LLPH: variants seen among roughly 807,000 people sequenced by gnomAD.
LLPH encodes the protein LLP homolog, long-term synaptic facilitation factor.
LLPH carries 5 observed loss-of-function variants against 13.3 expected under a neutral mutation model. The ratio of observed to expected loss-of-function variants is 0.38; its 90% CI spans 0.20 to 0.79. LLPH has a LOEUF of 0.79. LLPH is among the 30% of genes least tolerant of loss of function. LLPH has a pLI of 0.45. For synonymous variants in LLPH, 32 were observed against 44.2 expected (o/e 0.72, Z 1.09); for missense variants, 129 against 152.1 (o/e 0.85, Z 0.80).
In LLPH at chr12:66,121,734, A is replaced by T. The variant is rs191398447; in HGVS notation, c.*2106T>A. On this transcript the variant is annotated 3_prime_UTR_variant, in exon 3 of 3. Coordinates refer to ENST00000266604, the MANE Select transcript of LLPH (RefSeq NM_032338.4). ...ACCCTGTCTCTACAAAAATACAAAA[A>T]TTAGCTGGGCGTGGTGGCACCCACC... is the stretch of plus-strand genomic sequence containing the variant. The T allele has an allele frequency of 1.3e-5, 2 of 151,600 alleles. No individual in the cohort carries two copies. The highest frequency in any genetic ancestry group is 4.0e-4 in the East Asian group (2 of 5,048). The allele number at this position is 151,600 out of a possible 1,614,324, so 9.4% of individuals were successfully genotyped here.
In LLPH at chr12:66,117,176, G is replaced by A. The variant is rs1167730991; in HGVS notation, c.*6664C>T. The A allele has an allele frequency of 3.9e-5, 6 of 152,030 alleles. No homozygotes were observed. Among genetic ancestry groups the A allele is most frequent in the East Asian group, 1.9e-4 (1 of 5,192 alleles). 9.4% of individuals were successfully genotyped at this position (152,030 alleles called of 1,614,324 possible). On this transcript the variant is annotated 3_prime_UTR_variant, in exon 3 of 3. Coordinates refer to ENST00000266604, the MANE Select transcript of LLPH (RefSeq NM_032338.4). ...CTATGAATTCTGCATTTGGGGCTTC[G>A]TCCTGAGATAAAAAATATTCAAAAG...
intron 2 of LLPH, among the ~76,000 whole-genome samples, chr12:66,125,084 C>G (rs2051487938): frequency 6.6e-6 from 1 of 152,062 alleles, no homozygotes; most frequent in East Asian, 1.9e-4. Flanking sequence ...AAAAAAAGAA[C>G]TGGTAGGCGC....
At chr12:66,124,445 C>T (rs2051484148) in intron 2 of LLPH, among the ~76,000 whole-genome samples, 1 of 152,188 alleles carries the variant, frequency 6.6e-6, no homozygotes. Flanking sequence ...ATGGAGTAGT[C>T]AGCAGCAGGG....
rs2051451320 is a variant in LLPH at position 66,119,752 on chromosome 12, G to A, written c.*4088C>T. 1 of 152,122 alleles carries A rather than the reference G, an allele frequency of 6.6e-6. No homozygotes were observed. 9.4% of individuals were successfully genotyped at this position (152,122 alleles called of 1,614,324 possible). A position where few individuals can be genotyped will look rare whatever the true frequency, so the allele number is the denominator to read the frequency against. ...TCCTCCCAATTTTATGTTGTGGTCA[G>A]CACTTCCCTAAATTACACATTGCTG... On this transcript the variant is annotated 3_prime_UTR_variant, in exon 3 of 3. Transcript: ENST00000266604.
At chr12:66,129,598 G>T (rs964394366) in intron 1 of LLPH, among the ~76,000 whole-genome samples, 4 of 152,020 alleles carry the variant, frequency 2.6e-5, no homozygotes, top group Non-Finnish European at 5.9e-5. Flanking sequence ...TGTTAGCCAG[G>T]ATAGTCTCGA....
chr12:66,124,034 G>A lies in LLPH; in HGVS notation c.212-16C>T. 6.4e-7 allele frequency: 1 copy of A among 1,567,122 alleles called. No homozygotes were observed. Among genetic ancestry groups the A allele is most frequent in the South Asian group, 1.2e-5 (1 of 85,800 alleles). On this transcript the variant is annotated splice_polypyrimidine_tract_variant and intron_variant, in intron 2 of 2. Coordinates refer to ENST00000266604, the MANE Select transcript of LLPH (RefSeq NM_032338.4). ...TTCATGTCATCTGCATAAAAAGATG[G>A]AAAAACTATTAACACCATGTATGAA...
chr12:66,128,303 T>C (rs1263075765), intron 2 of LLPH, among the ~76,000 whole-genome samples: 1 of 152,214 alleles, frequency 6.6e-6, no homozygotes, highest in African/African-American at 2.4e-5. Flanking sequence ...TTTAGTTTGC[T>C]GCCAAATTGG....
chr12:66,120,261 T>A lies in LLPH; in HGVS notation c.*3579A>T, dbSNP rs1029384453. 1.3e-5 allele frequency: 2 copies of A among 152,242 alleles called. No individual in the cohort carries two copies. Among genetic ancestry groups the A allele is most frequent in the African/African-American group, 2.4e-5 (1 of 41,466 alleles). The allele number at this position is 152,242 out of a possible 1,614,324, so 9.4% of individuals were successfully genotyped here. A position where few individuals can be genotyped will look rare whatever the true frequency, so the allele number is the denominator to read the frequency against. Reference sequence around the variant, plus strand: ...CCTGAGCCCACATGAACCCAATCTATCACAGGTTGACCCAAAAATAGGTAT... The same window carrying A: ...CCTGAGCCCACATGAACCCAATCTAACACAGGTTGACCCAAAAATAGGTAT... On this transcript the variant is annotated 3_prime_UTR_variant, in exon 3 of 3. Transcript: ENST00000266604.
chr12:66,120,017 A>G lies in LLPH; in HGVS notation c.*3823T>C, dbSNP rs1348668174. 1.3e-5 allele frequency: 2 copies of G among 152,228 alleles called. No individual in the cohort carries two copies. The highest frequency in any genetic ancestry group is 4.8e-5 in the African/African-American group (2 of 41,458). 9.4% of individuals were successfully genotyped at this position (152,228 alleles called of 1,614,324 possible). On this transcript the variant is annotated 3_prime_UTR_variant, in exon 3 of 3. Transcript: ENST00000266604. Reference sequence around the variant, plus strand: ...TAGAAAATAGGATGTGGTCAAAACCACTACTTGATTCTACCTTAGAGCTTC... The same window carrying G: ...TAGAAAATAGGATGTGGTCAAAACCGCTACTTGATTCTACCTTAGAGCTTC...
rs1236617277 is a variant in LLPH, at chr12:66,116,957, TA to T, written c.*6882del. The T allele has an allele frequency of 6.6e-6, 1 of 152,158 alleles. No homozygotes were observed. Among genetic ancestry groups the T allele is most frequent in the East Asian group, 1.9e-4 (1 of 5,200 alleles). 9.4% of individuals were successfully genotyped at this position (152,158 alleles called of 1,614,324 possible). On this transcript the variant is annotated 3_prime_UTR_variant, in exon 3 of 3. Coordinates refer to ENST00000266604, the MANE Select transcript of LLPH (RefSeq NM_032338.4). The stretch of plus-strand genomic sequence containing the variant: ...ATACCAGACCTAACATTAACAAAAT[TA>T]AAGAGATTTCATATTTTATTTCCAC...
In LLPH at chr12:66,128,866, A is replaced by G. The variant is rs759389689; in HGVS notation, c.211+30T>C. ...CCTGCCTCAAAAAAAAAAAAAAAAA[A>G]AGAGAAAGAAAAAGGAGAAGCACAC... On this transcript the variant is annotated intron_variant, in intron 2 of 2. Coordinates refer to ENST00000266604, the MANE Select transcript of LLPH (RefSeq NM_032338.4). The G allele has an allele frequency of 5.7e-5, 84 of 1,474,710 alleles. No homozygotes were observed. The African/African-American group carries it at 6.1e-4, about 11-fold the overall frequency. The allele number at this position is 1,474,710 out of a possible 1,614,324, so 91.4% of individuals were successfully genotyped here.
chr12:66,128,538 G>C (rs960063119), intron 2 of LLPH, among the ~76,000 whole-genome samples: 1 of 152,260 alleles, frequency 6.6e-6, no homozygotes, highest in Non-Finnish European at 1.5e-5. Flanking sequence ...CTTCCAACCA[G>C]AGTATGCCTA....
chr12:66,129,048 T>A lies in LLPH; in HGVS notation c.59A>T (p.Lys20Met), dbSNP rs1179916. 0.012 allele frequency: 20,105 copies of A among 1,611,756 alleles called. 1,724 individuals carry two copies. The African/African-American group carries it at 0.22, about 18-fold the overall frequency. Residue 20 changes from lysine (K) to methionine (M), a missense_variant, in exon 2 of 3, where the codon AAG becomes ATG. Transcript: ENST00000266604. ...CCTGCTGGCCTCCTTTGGGGCATTC[T>A]TTTTTCTCTTTTCAGCACGCATCTT... ...KRKMRAEKRK[K>M]NAPKEASRLK...
intron 1 of LLPH, 177 bp downstream of exon 1, chr12:66,130,528 A>T (rs1357886994): frequency 6.6e-6 from 1 of 152,252 alleles, no homozygotes; most frequent in Non-Finnish European, 1.5e-5. Flanking sequence ...TGCACTCGGA[A>T]GCCGGAGGGC....
chr12:66,126,168 C>A (rs1482808538), intron 2 of LLPH, among the ~76,000 whole-genome samples: 1 of 151,556 alleles, frequency 6.6e-6, no homozygotes, highest in East Asian at 1.9e-4. Context: ...ACTAAAAATA[C>A]AAAAAATTAG....
At chr12:66,124,293 G>C (rs1328726479) in intron 2 of LLPH, among the ~76,000 whole-genome samples, 1 of 152,194 alleles carries the variant, frequency 6.6e-6, no homozygotes, top group African/African-American at 2.4e-5. Flanking sequence ...CTCATATTAA[G>C]TGATTCCTTG....
At chr12:66,128,281 G>A (rs1308105384) in intron 2 of LLPH, among the ~76,000 whole-genome samples, 2 of 152,116 alleles carry the variant, frequency 1.3e-5, no homozygotes, top group Non-Finnish European at 2.9e-5. Flanking sequence ...TCTGGGTATT[G>A]CAAATACTTA....
intron 2 of LLPH, 92 bp downstream of exon 2, chr12:66,128,804 C>A: frequency 2.4e-6 from 2 of 837,060 alleles, no homozygotes; most frequent in Non-Finnish European, 3.8e-6. Context: ...TATAATCACA[C>A]CACTGCACTC....
intron 2 of LLPH, among the ~76,000 whole-genome samples, chr12:66,125,894 G>A (rs976469140): frequency 3.9e-5 from 6 of 152,194 alleles, no homozygotes; most frequent in Non-Finnish European, 8.8e-5. Context: ...AGGAAAGACA[G>A]ATAATACATA....
Sources: allele counts gnomAD v4.1 joint callset (sites outside exome capture counted in the v4.1 genomes callset), GRCh38; gene constraint gnomAD v4.1.1; transcripts MANE v1.5; gene names NCBI Gene and HGNC (gene_info 2026-07-23, HGNC 2026-07-21).